The following CCDC125 variants were observed in gnomAD, a reference collection of about 807,000 sequenced individuals.
CCDC125 encodes the protein coiled-coil domain containing 125.
CCDC125 carries 43 observed loss-of-function variants against 57.4 expected under a neutral mutation model. The ratio of observed to expected loss-of-function variants is 0.75; its 90% confidence interval spans 0.59 to 0.97. The LOEUF is 0.97. Among genes scored for constraint, CCDC125 ranks in the 50% least tolerant of loss-of-function variants. The pLI is 0.00. For synonymous variants in CCDC125, 187 were observed against 195.2 expected (o/e 0.96, Z 0.35); for missense variants, 563 against 595.7 (o/e 0.95, Z 0.57).
chr5:69,283,296 T>C (rs1160973644), intron 11 of CCDC125, among the ~76,000 whole-genome samples: 1 of 150,484 alleles, frequency 6.6e-6, no homozygotes. Flanking sequence ...CTCCACTCAC[T>C]GCAAGCTCTG....
At chr5:69,312,596 C>T (rs1310409581) in intron 3 of CCDC125, among the ~76,000 whole-genome samples, 1 of 152,024 alleles carries the variant, frequency 6.6e-6, no homozygotes, top group East Asian at 1.9e-4. Context: ...GCCACACATA[C>T]GGGGAAGGCC....
rs930046572 is a variant in CCDC125, at chr5:69,294,895, C to G, written c.822G>C (p.Ala274=). The G allele has an allele frequency of 6.2e-7, 1 of 1,612,588 alleles. No individual in the cohort carries two copies. Among genetic ancestry groups the G allele is most frequent in the Non-Finnish European group, 8.5e-7 (1 of 1,179,588 alleles). Residue 274 remains alanine (A), a synonymous_variant, in exon 9 of 12, where the codon GCG becomes GCC. Transcript: ENST00000396496. ...GFAEASGLEL[A]VLGACLCHGP... is the part of the protein sequence containing the mutation. ...CATGACAAAGGCAGGCTCCGAGGAC[C>G]GCAAGCTTTAAATTGAAAAGCATTG...
chr5:69,276,473 A>G (rs1752151418), downstream of CCDC125: 2 of 1,376,812 alleles, frequency 1.5e-6, no homozygotes, highest in African/African-American at 1.4e-5. Context: ...TATAATCTTG[A>G]AGGTAAGATT....
intron 1 of CCDC125, among the ~76,000 whole-genome samples, chr5:69,326,644 A>G (rs1383279581): frequency 6.6e-6 from 1 of 152,206 alleles, no homozygotes; most frequent in Non-Finnish European, 1.5e-5. Flanking sequence ...ATATTTTTCA[A>G]TGCACCACAT....
downstream of CCDC125, among the ~76,000 whole-genome samples, chr5:69,278,171 T>A (rs1456688728): frequency 5.3e-5 from 8 of 151,138 alleles, no homozygotes; most frequent in East Asian, 1.6e-3. Flanking sequence ...CATGAGCCAC[T>A]ACACCTGGCC....
Position 69,280,737 on chromosome 5 carries a change from ATC to A in CCDC125, c.*1990_*1991del, listed in dbSNP as rs776571974. 1.3e-5 allele frequency: 2 copies of A among 152,206 alleles called. No homozygotes were observed. Among genetic ancestry groups the A allele is most frequent in the African/African-American group, 2.4e-5 (1 of 41,454 alleles). 9.4% of individuals were successfully genotyped at this position (152,206 alleles called of 1,614,324 possible). On this transcript the variant is annotated 3_prime_UTR_variant, in exon 12 of 12. Transcript: ENST00000396496. ...TTTATTCATTTGCTTTATCTTATGG[ATC>A]TCTCCATTTTGTAGAGTATTCCATT...
rs1351945515 is a variant in CCDC125, at chr5:69,311,157, G to C, written c.414C>G (p.Leu138=). 1 of 1,612,014 alleles carries C rather than the reference G, an allele frequency of 6.2e-7. No individual in the cohort carries two copies. The highest frequency in any genetic ancestry group is 1.1e-5 in the South Asian group (1 of 90,774). The change falls in exon 4 of 12, where the codon CTC becomes CTG. Residue 138 remains leucine (L), a synonymous_variant. Coordinates refer to ENST00000396496, the MANE Select transcript of CCDC125 (RefSeq NM_176816.5). ...TTTTCAATGCTTCCTCTTTACCTCT[G>C]AGTTGTCTTTGAGATGCCTCAAGTT... The part of the protein sequence containing the change: ...KTELEASQRQ[L]RGKEEALKIL...
chr5:69,299,879 A>G (rs1481607547), intron 8 of CCDC125, 133 bp downstream of exon 8: 2 of 720,942 alleles, frequency 2.8e-6, no homozygotes, highest in African/African-American at 1.7e-5. Context: ...ACCTGGGCCC[A>G]GGGGCGTCTC....
At position 69,300,055 on chromosome 5, in the gene CCDC125, A is replaced by T. The variant is rs1286977106; in HGVS notation, c.773T>A (p.Met258Lys). 2.5e-6 allele frequency: 4 copies of T among 1,614,036 alleles called. No homozygotes were observed. Among genetic ancestry groups the T allele is most frequent in the Non-Finnish European group, 3.4e-6 (4 of 1,179,930 alleles). Reference protein sequence around the residue: ...IKQQKMAQENMCCDKSGFAEA... With the variant: ...IKQQKMAQENKCCDKSGFAEA... Reference sequence around the variant, plus strand: ...TGCAAAGCCACTTTTATCACAGCACATGTTTTCCTGAGCCATCTTCTGCTG... The same window carrying T: ...TGCAAAGCCACTTTTATCACAGCACTTGTTTTCCTGAGCCATCTTCTGCTG... The change falls in exon 8 of 12, where the codon ATG (methionine) becomes AAG (lysine). Residue 258 changes from methionine (M) to lysine (K), a missense_variant. Physicochemically the swap from Met to Lys is moderately conservative, Grantham distance 95 (BLOSUM62 -1). Coordinates refer to ENST00000396496, the MANE Select transcript of CCDC125 (RefSeq NM_176816.5).
chr5:69,278,703 CTTTT>C (rs34258569), downstream of CCDC125, among the ~76,000 whole-genome samples: 3 of 108,126 alleles, frequency 2.8e-5, no homozygotes, highest in African/African-American at 3.6e-5. Flanking sequence ...TCTCTCTCTC[CTTTT>C]TTTTTTTTTT....
rs191134438 is a variant in CCDC125, at chr5:69,286,388, C to T, written c.1100-921G>A. 9.1e-4 allele frequency among the ~76,000 whole-genome samples: 137 copies of T among 151,170 alleles called. 1 individual carries two copies. The highest frequency in any genetic ancestry group is 3.1e-3 in the African/African-American group (129 of 41,244). ...CTGGGACTACAGGCGCCCGCCACCA[C>T]GTCCGGCTAATTTTTTTGTATTTTT... On this transcript the variant is annotated intron_variant, in intron 10 of 11. Transcript: ENST00000396496.
chr5:69,297,779 C>T (rs978292494), intron 8 of CCDC125, among the ~76,000 whole-genome samples: 2 of 151,076 alleles, frequency 1.3e-5, no homozygotes, highest in Non-Finnish European at 2.9e-5. Flanking sequence ...GCCTGGGCAA[C>T]ATGAGACCCT....
At chr5:69,303,361 CTT>C (rs1003180857) in intron 7 of CCDC125, among the ~76,000 whole-genome samples, 1 of 100,514 alleles carries the variant, frequency 9.9e-6, no homozygotes. Flanking sequence ...GAATTGTTCA[CTT>C]TTTTTTTTTT....
At position 69,304,294 on chromosome 5, in the gene CCDC125, G is replaced by A. The variant is rs191067220; in HGVS notation, c.618-365C>T. Among the ~76,000 whole-genome samples, 451 of 151,776 alleles carry A rather than the reference G, an allele frequency of 3.0e-3. 3 individuals carry two copies. Among genetic ancestry groups the A allele is most frequent in the African/African-American group, 9.5e-3 (395 of 41,398 alleles). ...TAATTTTTGTATTTTTAGTAGAAACGGGATTTCACCATGTTGGCCAGGCTG... is the reference window on the plus strand; with the variant it reads ...TAATTTTTGTATTTTTAGTAGAAACAGGATTTCACCATGTTGGCCAGGCTG... On this transcript the variant is annotated intron_variant, in intron 6 of 11. Transcript: ENST00000396496.
chr5:69,307,877 G>C, intron 5 of CCDC125, 74 bp downstream of exon 5: 1 of 1,108,874 alleles, frequency 9.0e-7, no homozygotes, highest in Non-Finnish European at 1.4e-6. Flanking sequence ...AGATCCATTA[G>C]TATGGTGAGT....
chr5:69,277,769 CAA>C (rs200595059), downstream of CCDC125, among the ~76,000 whole-genome samples: 17,079 of 131,090 alleles, frequency 0.13, 1,158 homozygotes, highest in South Asian at 0.21. Flanking sequence ...GACACAGTCT[CAA>C]AAAAAAAAAA....
At chr5:69,277,071 A>AG (rs1379320009), downstream of CCDC125, 2 of 1,559,194 alleles carry the variant, frequency 1.3e-6, no homozygotes, top group South Asian at 2.5e-5. Context: ...TTAAATGTGA[A>AG]CAACTTTTTT....
the CCDC125 span, chr5:69,273,154 T>G: frequency 2.6e-6 from 2 of 763,370 alleles, no homozygotes; most frequent in Non-Finnish European, 3.9e-6. Context: ...GAAAGATGTG[T>G]TTTTGTTTTA....
At chr5:69,306,094 C>T (rs1757287010) in intron 6 of CCDC125, among the ~76,000 whole-genome samples, 1 of 144,932 alleles carries the variant, frequency 6.9e-6, no homozygotes, top group African/African-American at 2.5e-5. Context: ...TATTTTTCAT[C>T]TTTTTTTTTT....
Sources: allele counts gnomAD v4.1 joint callset (sites outside exome capture counted in the v4.1 genomes callset), GRCh38; gene constraint gnomAD v4.1.1; transcripts MANE v1.5; gene names NCBI Gene and HGNC (gene_info 2026-07-23, HGNC 2026-07-21).